The following PLCD1 variants were observed in gnomAD, a reference collection of about 807,000 sequenced individuals.
PLCD1 encodes 1-phosphatidylinositol 4,5-bisphosphate phosphodiesterase delta-1.
In PLCD1, 71 loss-of-function variants were observed where a neutral mutation model predicts 87.4. The observed-to-expected ratio is 0.81, with a 90% CI of 0.67 to 0.99. The LOEUF is 0.99. Among genes scored for constraint, PLCD1 ranks in the 50% least tolerant of loss-of-function variants. The pLI, the probability that PLCD1 is intolerant of heterozygous loss-of-function variation, is 0.00. For missense variants in PLCD1, 867 were observed against 1,001.5 expected, an observed-to-expected ratio of 0.87 and a Z score of 1.81; for synonymous variants, 348 against 399.2, an observed-to-expected ratio of 0.87 and a Z score of 1.53.
chr3:38,015,953 G>A (rs1169052045), intron 3 of PLCD1, among the ~76,000 whole-genome samples: 1 of 152,184 alleles, frequency 6.6e-6, no homozygotes, highest in African/African-American at 2.4e-5. Flanking sequence ...GGGACACAGG[G>A]AGTATCAGGG....
At chr3:38,009,840 C>T in intron 8 of PLCD1, 29 bp from the exon 9 acceptor site, 1 of 1,613,314 alleles carries the variant, frequency 6.2e-7, no homozygotes, top group Non-Finnish European at 8.5e-7. Context: ...CTGGTCAAGA[C>T]ACACCTAGCG....
intron 1 of PLCD1, among the ~76,000 whole-genome samples, chr3:38,020,904 C>T (rs3753167): frequency 0.59 from 89,850 of 151,946 alleles, 26,937 homozygotes; most frequent in South Asian, 0.7. Flanking sequence ...TGCCTAGGTT[C>T]AGGTGCCCTT....
chr3:38,009,452 C>A (rs200451764), intron 9 of PLCD1, 21 bp from the exon 10 acceptor site: 10 of 1,613,766 alleles, frequency 6.2e-6, no homozygotes, highest in South Asian at 3.3e-5. Flanking sequence ...CGGGGAGGCC[C>A]GGGTTAGATT....
Position 38,025,143 on chromosome 3 carries a change from A to G in PLCD1, c.34+4363T>C, listed in dbSNP as rs1031898071. Reference sequence around the variant, plus strand: ...CAGGAAGCAGCCCGGGGGCGGGGCCAGGGCCCAGGAGGCGAGCCTGGGAGG... The same window carrying G: ...CAGGAAGCAGCCCGGGGGCGGGGCCGGGGCCCAGGAGGCGAGCCTGGGAGG... On this transcript the variant is annotated intron_variant, in intron 1 of 14. Transcript: ENST00000334661. The surrounding 1 kb of genome is among the most constrained non-coding windows in gnomAD (Gnocchi z 4.0). 1.1e-4 allele frequency among the ~76,000 whole-genome samples: 17 copies of G among 152,224 alleles called. No individual in the cohort carries two copies. The East Asian group carries it at 2.3e-3, about 21-fold the overall frequency.
chr3:38,024,099 C>T (rs1352257461), intron 1 of PLCD1: 15 of 515,616 alleles, frequency 2.9e-5, no homozygotes, highest in South Asian at 2.7e-4. Context: ...GGATGGGGAG[C>T]GTTGGAAGGG....
chr3:38,011,257 C>G lies in PLCD1; in HGVS notation c.747G>C (p.Ala249=). 1.2e-6 allele frequency: 2 copies of G among 1,611,266 alleles called. No homozygotes were observed. The highest frequency in any genetic ancestry group is 2.2e-5 in the South Asian group (2 of 90,984). Residue 249 remains alanine (A), a synonymous_variant, in exon 5 of 15, where the codon GCG becomes GCC. Coordinates refer to ENST00000334661, the MANE Select transcript of PLCD1 (RefSeq NM_006225.4). The stretch of plus-strand genomic sequence containing the variant: ...AGCGCTCAATGAGGGAGAGGGCCAG[C>G]GCAGGCCCTGCCGCCTCCTCCCGCT... ...HQQREEAAGP[A]LALSLIERYE...
At chr3:38,024,775 G>C (rs1467772460) in intron 1 of PLCD1, 2 of 1,288,590 alleles carry the variant, frequency 1.6e-6, no homozygotes. Flanking sequence ...TACAGGAGGC[G>C]GGACGAGAAG....
rs112847466 is a variant in PLCD1 at position 38,017,055 on chromosome 3, G to A, written c.200-336C>T. Among the ~76,000 whole-genome samples the A allele has an allele frequency of 2.5e-3, 376 of 152,198 alleles. 3 individuals are homozygous for A. Among genetic ancestry groups the A allele is most frequent in the African/African-American group, 8.0e-3 (332 of 41,520 alleles). Reference sequence around the variant, plus strand: ...CCTGGGACCCCAGGCCTGCTCTCTCGGTGATGGGGGGTGCAGGGCCCCAGG... The same window carrying A: ...CCTGGGACCCCAGGCCTGCTCTCTCAGTGATGGGGGGTGCAGGGCCCCAGG... On this transcript the variant is annotated intron_variant, in intron 2 of 14. Transcript: ENST00000334661. This position sits in a 1 kb window ranked among gnomAD's most constrained non-coding sequence, Gnocchi z 4.7.
At position 38,008,060 on chromosome 3, in the gene PLCD1, A is replaced by G. The variant is rs781409890; in HGVS notation, c.2139T>C (p.Asn713=). The change falls in exon 14 of 15, where the codon AAT becomes AAC. Residue 713 remains asparagine, a synonymous_variant. Coordinates refer to ENST00000334661, the MANE Select transcript of PLCD1 (RefSeq NM_006225.4). The stretch of plus-strand genomic sequence containing the variant: ...GGATGGTACTCTGGCCAATGAAGTC[A>G]TTCTTGGAGGAGGCATCATAATCTT... ...LVEDYDASSK[N]DFIGQSTIPL... is the part of the protein sequence containing the mutation. 1.2e-6 allele frequency: 2 copies of G among 1,614,202 alleles called. No homozygotes were observed. The highest frequency in any genetic ancestry group is 8.5e-7 in the Non-Finnish European group (1 of 1,180,008).
chr3:38,014,530 CA>C (rs749827487), intron 3 of PLCD1: 6 of 153,840 alleles, frequency 3.9e-5, no homozygotes, highest in Middle Eastern at 3.4e-3. Context: ...TACACTTCAT[CA>C]AAACCAAAAA....
In PLCD1 at chr3:38,010,434, C is replaced by T; in HGVS notation, c.919G>A (p.Val307Met). ...AGGTAGGTGTTGTGTGAAGAGGACA[C>T]CAGGTAGTGGCTAAGTGGCTGGCCC... is the stretch of plus-strand genomic sequence containing the variant. ...DMGQPLSHYL[V>M]SSSHNTYLLE... The change falls in exon 6 of 15, where the codon GTG becomes ATG. Residue 307 changes from valine (V) to methionine (M), a missense_variant. Transcript: ENST00000334661. 1 of 1,614,208 alleles carries T rather than the reference C, an allele frequency of 6.2e-7. No homozygotes were observed. The highest frequency in any genetic ancestry group is 2.2e-5 in the East Asian group (1 of 44,882).
intron 1 of PLCD1, chr3:38,024,538 T>C: frequency 6.6e-7 from 1 of 1,513,290 alleles, no homozygotes; most frequent in Non-Finnish European, 8.9e-7. Flanking sequence ...GGGGCGGAAC[T>C]GTCGCCCTTG....
rs970422564 is a variant in PLCD1, at chr3:38,025,461, C to T, written c.34+4045G>A. Among the ~76,000 whole-genome samples, 46 of 152,282 alleles carry T rather than the reference C, an allele frequency of 3.0e-4. No homozygotes were observed. Among genetic ancestry groups the T allele is most frequent in the Middle Eastern group, 3.4e-3 (1 of 294 alleles). On this transcript the variant is annotated intron_variant, in intron 1 of 14. Transcript: ENST00000334661. The surrounding 1 kb of genome is among the most constrained non-coding windows in gnomAD (Gnocchi z 4.0). ...AGCCTGGGCCAGACACCGAGCCCCC[C>T]CCAAGTATTTTACTTCAATTGCTCA...
At position 38,025,148 on chromosome 3, in the gene PLCD1, C is replaced by G. The variant is rs1313632434; in HGVS notation, c.34+4358G>C. On this transcript the variant is annotated intron_variant, in intron 1 of 14. Coordinates refer to ENST00000334661, the MANE Select transcript of PLCD1 (RefSeq NM_006225.4). The surrounding 1 kb of genome is among the most constrained non-coding windows in gnomAD (Gnocchi z 4.0). ...AGCAGCCCGGGGGCGGGGCCAGGGC[C>G]CAGGAGGCGAGCCTGGGAGGATCCC... Among the ~76,000 whole-genome samples, 3 of 152,234 alleles carry G rather than the reference C, an allele frequency of 2.0e-5. No homozygotes were observed. Among genetic ancestry groups the G allele is most frequent in the African/African-American group, 7.2e-5 (3 of 41,548 alleles).
In PLCD1 at chr3:38,010,122, C is replaced by T. The variant is rs374610068; in HGVS notation, c.1137+9G>A. ...CATCCCACTCCTCACCTGCCAGGGG[C>T]ACTCCCACCTTGAAGGCATAGTCCC... On this transcript the variant is annotated intron_variant, in intron 7 of 14. Coordinates refer to ENST00000334661, the MANE Select transcript of PLCD1 (RefSeq NM_006225.4). 2.1e-4 allele frequency: 346 copies of T among 1,614,246 alleles called. No individual in the cohort carries two copies. Among genetic ancestry groups the T allele is most frequent in the Middle Eastern group, 3.3e-4 (2 of 6,062 alleles).
In PLCD1 at chr3:38,017,862, G is replaced by A. The variant is rs186401711; in HGVS notation, c.200-1143C>T. Among the ~76,000 whole-genome samples the A allele has an allele frequency of 5.9e-5, 9 of 152,310 alleles. No homozygotes were observed. Among genetic ancestry groups the A allele is most frequent in the Non-Finnish European group, 1.3e-4 (9 of 68,018 alleles). ...GTGGGACACATGAGCCCAGGGCCAT[G>A]TGGGGGACAGAGGATAGCACGGCTT... On this transcript the variant is annotated intron_variant, in intron 2 of 14. Coordinates refer to ENST00000334661, the MANE Select transcript of PLCD1 (RefSeq NM_006225.4). This position sits in a 1 kb window ranked among gnomAD's most constrained non-coding sequence, Gnocchi z 4.7.
intron 4 of PLCD1, 31 bp downstream of exon 4, chr3:38,011,513 A>G (rs748112799): frequency 1.8e-5 from 29 of 1,613,904 alleles, no homozygotes; most frequent in Non-Finnish European, 2.4e-5. Flanking sequence ...CCCCATGGAC[A>G]GGCAGCCCCA....
chr3:38,024,770 G>A, intron 1 of PLCD1: 1 of 1,296,640 alleles, frequency 7.7e-7, no homozygotes, highest in Non-Finnish European at 1.0e-6. Flanking sequence ...CAGAATACAG[G>A]AGGCGGGACG....
chr3:38,007,930 C>A (rs1338649958), intron 14 of PLCD1, 72 bp from the exon 15 acceptor site: 1 of 1,602,862 alleles, frequency 6.2e-7, no homozygotes, highest in Non-Finnish European at 8.5e-7. Flanking sequence ...GGGGTGGATG[C>A]GTCAAGGGAC....
Sources: gnomAD v4.1 joint callset for allele counts (sites outside exome capture counted in the v4.1 genomes callset) on GRCh38, gnomAD v4.1.1 for gene constraint, Gnocchi (gnomAD v3.1) non-coding constraint, MANE v1.5 for transcripts, NCBI Gene and HGNC (gene_info 2026-07-23, HGNC 2026-07-21) for gene names.